ASCC1: variants seen among roughly 807,000 people sequenced by gnomAD.
ASCC1 encodes the protein ASC-1 complex subunit P50.
ASCC1 carries 35 observed loss-of-function variants against 46.6 expected under a neutral mutation model. The ratio of observed to expected loss-of-function variants is 0.75; its 90% CI spans 0.57 to 0.99. The LOEUF (loss-of-function observed/expected upper bound fraction) is 0.99. Ranked by LOEUF, ASCC1 falls within the 50% of genes least tolerant of loss-of-function variation. ASCC1 has a pLI of 0.00. For missense variants in ASCC1, 376 were observed against 428.7 expected (o/e 0.88, Z 1.09); for synonymous variants, 143 against 146.6 (o/e 0.98, Z 0.18).
intron 8 of ASCC1, among the ~76,000 whole-genome samples, chr10:72,130,206 G>A (rs546652870): frequency 1.3e-5 from 2 of 152,192 alleles, no homozygotes; most frequent in South Asian, 4.1e-4. Context: ...TGGAGGTCAG[G>A]GGAGGGCAGA....
intron 4 of ASCC1, among the ~76,000 whole-genome samples, chr10:72,202,029 C>G (rs1286743857): frequency 6.6e-6 from 1 of 151,968 alleles, no homozygotes; most frequent in African/African-American, 2.4e-5. Flanking sequence ...GCAGGCAGAT[C>G]ACTTCAAACC....
intron 3 of ASCC1, among the ~76,000 whole-genome samples, chr10:72,205,527 A>C (rs1255493757): frequency 6.6e-6 from 1 of 151,306 alleles, no homozygotes; most frequent in African/African-American, 2.4e-5. Flanking sequence ...ACTACTCGGG[A>C]GGCTGAGGCA....
At chr10:72,171,077 A>C (rs1475247364) in intron 5 of ASCC1, among the ~76,000 whole-genome samples, 3 of 152,234 alleles carry the variant, frequency 2.0e-5, no homozygotes, top group African/African-American at 4.8e-5. Flanking sequence ...ATACGAAAAC[A>C]AATAGTGAAA....
chr10:72,196,988 T>A lies in ASCC1; in HGVS notation c.312A>T (p.Val104=), dbSNP rs573910884. The change falls in exon 5 of 10, where the codon GTA becomes GTT. Residue 104 remains valine, a splice_region_variant and synonymous_variant. Transcript: ENST00000672957. Reference sequence around the variant, plus strand: ...CACCATTTCGATGCTGGCCAGTGATTACTGTAAACAAAGAAGAAAGGGTAA... The same window carrying A: ...CACCATTTCGATGCTGGCCAGTGATAACTGTAAACAAAGAAGAAAGGGTAA... ...IPKPGQDGEI[V]ITGQHRNGVI... 10 of 1,613,460 alleles carry A rather than the reference T, an allele frequency of 6.2e-6. No individual in the cohort carries two copies. The Admixed American group carries it at 1.7e-4, about 27-fold the overall frequency.
chr10:72,213,153 ACTT>A (rs1187479887), intron 2 of ASCC1, 31 bp downstream of exon 2: 2 of 1,431,904 alleles, frequency 1.4e-6, no homozygotes, highest in East Asian at 2.3e-5. Context: ...AGGACATTTT[ACTT>A]CTTATCTGAC....
At chr10:72,149,372 A>C (rs1848031850) in intron 7 of ASCC1, among the ~76,000 whole-genome samples, 1 of 133,534 alleles carries the variant, frequency 7.5e-6, no homozygotes, top group Non-Finnish European at 1.5e-5. Flanking sequence ...CGGGAGGCGG[A>C]GCTTGCAGTA....
chr10:72,168,655 G>A (rs1850677064), intron 5 of ASCC1, among the ~76,000 whole-genome samples: 1 of 152,186 alleles, frequency 6.6e-6, no homozygotes, highest in Non-Finnish European at 1.5e-5. Context: ...AGGGCCTTTT[G>A]GGGATAAAGT....
chr10:72,117,573 C>T (rs1843641249), intron 9 of ASCC1, among the ~76,000 whole-genome samples: 1 of 152,184 alleles, frequency 6.6e-6, no homozygotes, highest in African/African-American at 2.4e-5. Context: ...ATTAAATATG[C>T]ATATATGTGA....
intron 8 of ASCC1, among the ~76,000 whole-genome samples, chr10:72,132,274 G>A (rs939326383): frequency 3.9e-5 from 6 of 152,158 alleles, no homozygotes; most frequent in Non-Finnish European, 5.9e-5. Flanking sequence ...AGTCTTGGAA[G>A]GAAGAGCTGC....
intron 8 of ASCC1, among the ~76,000 whole-genome samples, chr10:72,130,706 T>C (rs1381871039): frequency 6.6e-6 from 1 of 152,150 alleles, no homozygotes; most frequent in Non-Finnish European, 1.5e-5. Flanking sequence ...CAGTGGCCAC[T>C]ATCCAGATGT....
chr10:72,187,719 CAAA>C (rs761851091), intron 5 of ASCC1, among the ~76,000 whole-genome samples: 1 of 35,220 alleles, frequency 2.8e-5, no homozygotes, highest in African/African-American at 1.1e-4. Context: ...GAATCCGTCT[CAAA>C]AAAAAAAAAA....
chr10:72,148,921 T>A (rs181689475), intron 7 of ASCC1, among the ~76,000 whole-genome samples: 1 of 152,270 alleles, frequency 6.6e-6, no homozygotes, highest in Non-Finnish European at 1.5e-5. Flanking sequence ...TCTGAAAAGA[T>A]CATTAATGTA....
At chr10:72,161,184 GA>G (rs77185118) in intron 6 of ASCC1, among the ~76,000 whole-genome samples, 4,412 of 121,128 alleles carry the variant, frequency 0.036, 183 homozygotes, top group African/African-American at 0.12. Context: ...TGGGCGACAG[GA>G]AAAAAAAAAA....
upstream of ASCC1, chr10:72,216,279 A>G (rs191655357): frequency 2.4e-3 from 375 of 158,592 alleles, no homozygotes; most frequent in Admixed American, 7.1e-3. Context: ...GCGATAGGAA[A>G]TTTCCCCAGG....
At chr10:72,214,363 A>ATTTTTTTTTTTTTTTTTTTT (rs1564778513) in intron 1 of ASCC1, among the ~76,000 whole-genome samples, 1 of 139,846 alleles carries the variant, frequency 7.2e-6, no homozygotes, top group African/African-American at 2.7e-5. Flanking sequence ...TTTGCACAAT[A>ATTTTTTTTTTTTTTTTTTTT]TCTCTTTTTT....
chr10:72,185,881 G>A (rs919047594), intron 5 of ASCC1, among the ~76,000 whole-genome samples: 7 of 152,078 alleles, frequency 4.6e-5, no homozygotes, highest in Admixed American at 6.6e-5. Flanking sequence ...TTTAAAGTTT[G>A]CATTCCCTTA....
intron 7 of ASCC1, among the ~76,000 whole-genome samples, chr10:72,147,640 C>T (rs767414620): frequency 6.6e-6 from 1 of 152,154 alleles, no homozygotes; most frequent in Non-Finnish European, 1.5e-5. Context: ...ACACTGAAAA[C>T]CTTCTTAGTT....
intron 2 of ASCC1, 100 bp from the exon 3 acceptor site, chr10:72,210,931 A>G (rs992116564): frequency 1.1e-5 from 11 of 1,012,130 alleles, no homozygotes; most frequent in East Asian, 2.6e-5. Context: ...AAAAAAAGCA[A>G]TACACAGGCA....
intron 9 of ASCC1, 124 bp downstream of exon 9, chr10:72,127,958 A>T (rs929708502): frequency 8.3e-5 from 34 of 409,284 alleles, no homozygotes; most frequent in Middle Eastern, 7.1e-4. Context: ...TTAGATAATT[A>T]AAAAAAAAAA....
Sources: allele counts gnomAD v4.1 joint callset (sites outside exome capture counted in the v4.1 genomes callset), GRCh38; gene constraint gnomAD v4.1.1; transcripts MANE v1.5; gene names NCBI Gene and HGNC (gene_info 2026-07-23, HGNC 2026-07-21).